The following DAB2IP variants were observed in gnomAD, a reference collection of about 807,000 sequenced individuals.
DAB2IP encodes DAB2 interacting protein.
In DAB2IP, 28 loss-of-function variants were observed where a neutral mutation model predicts 107.2. The ratio of observed to expected loss-of-function variants is 0.26; its 90% CI spans 0.19 to 0.36. The LOEUF (loss-of-function observed/expected upper bound fraction) is 0.36, where lower values mean the gene tolerates loss of function less well. Among genes scored for constraint, DAB2IP ranks in the 10% least tolerant of loss-of-function variants. The probability of loss-of-function intolerance (pLI) is 1.00; values close to 1 mark genes in which losing one functional copy is unlikely to be tolerated. For synonymous variants in DAB2IP, 755 were observed against 706.4 expected (o/e 1.07, Z -1.09); for missense variants, 1,400 against 1,644.7 (o/e 0.85, Z 2.57).
chr9:121,766,404 C>T (rs1180627873), intron 8 of DAB2IP, 90 bp from the exon 9 acceptor site: 1 of 1,267,142 alleles, frequency 7.9e-7, no homozygotes, highest in Non-Finnish European at 1.1e-6. Context: ...CGGGGTAGAG[C>T]CAAGGTTGGA....
At position 121,633,357 on chromosome 9, in the gene DAB2IP, G is replaced by C. The variant is rs1041374912; in HGVS notation, c.41-45321G>C. On this transcript the variant is annotated intron_variant, in intron 1 of 16. Transcript: ENST00000259371. The surrounding 1 kb of genome is among the most constrained non-coding windows in gnomAD (Gnocchi z 5.1). Reference sequence around the variant, plus strand: ...CCTTGTTCTCTCTTGTCAGAGCCAGGGGTTGTGTCTTTGCCCACTGACCCC... The same window carrying C: ...CCTTGTTCTCTCTTGTCAGAGCCAGCGGTTGTGTCTTTGCCCACTGACCCC... Among the ~76,000 whole-genome samples, 14 of 152,176 alleles carry C rather than the reference G, an allele frequency of 9.2e-5. No homozygotes were observed. The highest frequency in any genetic ancestry group is 3.4e-4 in the African/African-American group (14 of 41,524).
intron 1 of DAB2IP, among the ~76,000 whole-genome samples, chr9:121,596,408 A>G (rs1279139927): frequency 1.3e-5 from 2 of 152,164 alleles, no homozygotes; most frequent in Non-Finnish European, 2.9e-5. Context: ...CCAGCTACTC[A>G]GAAGGCTGTG....
intron 15 of DAB2IP, 35 bp downstream of exon 15, chr9:121,781,586 T>TTAAA (rs1564237350): frequency 1.9e-6 from 3 of 1,600,846 alleles, no homozygotes; most frequent in Non-Finnish European, 2.6e-6. Context: ...GCCACAAGAG[T>TTAAA]TAAAGGGCCT....
chr9:121,572,164 C>G (rs373930820), intron 1 of DAB2IP, among the ~76,000 whole-genome samples: 1 of 152,118 alleles, frequency 6.6e-6, no homozygotes, highest in Non-Finnish European at 1.5e-5. Context: ...ATGCTTTCTC[C>G]GGGTTCTTTT....
At chr9:121,570,697 A>G (rs542272799) in intron 1 of DAB2IP, among the ~76,000 whole-genome samples, 1 of 151,820 alleles carries the variant, frequency 6.6e-6, no homozygotes, top group South Asian at 2.1e-4. Context: ...ACAGGCATGC[A>G]CCACCATGCC....
At position 121,776,536 on chromosome 9, in the gene DAB2IP, G is replaced by A; in HGVS notation, c.3314+145G>A. The A allele has an allele frequency of 2.0e-6, 2 of 997,084 alleles. No homozygotes were observed. The highest frequency in any genetic ancestry group is 2.9e-6 in the Non-Finnish European group (2 of 699,382). 61.8% of individuals were successfully genotyped at this position (997,084 alleles called of 1,614,324 possible). On this transcript the variant is annotated intron_variant, in intron 14 of 15. Coordinates refer to ENST00000408936, the Ensembl canonical transcript of DAB2IP. This position sits in a 1 kb window ranked among gnomAD's most constrained non-coding sequence, Gnocchi z 5.4. ...GGAAGAGAGTGTCTGGGCAGTGGGA[G>A]CAGCGTGAGCACAGGCCTGGAGGCA...
intron 1 of DAB2IP, among the ~76,000 whole-genome samples, chr9:121,619,961 G>A (rs1831406663): frequency 6.6e-6 from 1 of 152,204 alleles, no homozygotes; most frequent in Non-Finnish European, 1.5e-5. Context: ...ATACAACATT[G>A]GGTTGGTGGT....
intron 3 of DAB2IP, among the ~76,000 whole-genome samples, chr9:121,752,166 G>A (rs1009102862): frequency 3.3e-5 from 5 of 152,188 alleles, no homozygotes; most frequent in African/African-American, 9.7e-5. Flanking sequence ...GGCATTTCCC[G>A]GAGACTCTGG....
chr9:121,761,557 AAGCCTCAGC>A (rs949524522), intron 6 of DAB2IP, among the ~76,000 whole-genome samples: 2 of 152,138 alleles, frequency 1.3e-5, no homozygotes, highest in Non-Finnish European at 2.9e-5. Context: ...CCATGGCTGG[AAGCCTCAGC>A]AGCCTCTGCA....
At chr9:121,773,055 C>G in exon 12 of DAB2IP, 1 of 1,612,566 alleles carries the variant, frequency 6.2e-7, no homozygotes, top group Non-Finnish European at 8.5e-7. Context: ...GCCGCTGTCA[C>G]CCCGTGGCCT....
chr9:121,586,768 C>T (rs1286527231), intron 1 of DAB2IP, among the ~76,000 whole-genome samples: 1 of 151,534 alleles, frequency 6.6e-6, no homozygotes. Flanking sequence ...TGTAGTGAGC[C>T]ATGATTGTAC....
In DAB2IP at chr9:121,602,598, T is replaced by C. The variant is rs989476545; in HGVS notation, c.40+35370T>C. Among the ~76,000 whole-genome samples, 3 of 152,124 alleles carry C rather than the reference T, an allele frequency of 2.0e-5. No homozygotes were observed. In the East Asian group the frequency reaches 5.8e-4, roughly 29 times the overall value. ...TTTTGTTTTGTTTTGTTTTTTGAGA[T>C]GGAGTCTCCCTCTGTCACCCAGGCT... On this transcript the variant is annotated intron_variant, in intron 1 of 16. Transcript: ENST00000259371.
At position 121,686,715 on chromosome 9, in the gene DAB2IP, C is replaced by T. The variant is rs1828898516; in HGVS notation, c.228+7934C>T. Among the ~76,000 whole-genome samples, 10 of 152,304 alleles carry T rather than the reference C, an allele frequency of 6.6e-5. No individual in the cohort carries two copies. In the South Asian group the frequency reaches 2.1e-3, roughly 32 times the overall value. ...CTCTCTTTCCCTGTCTGTAAATGGGCAGGAACCCCTCCCCACAGAGTGGCT... is the reference window on the plus strand; with the variant it reads ...CTCTCTTTCCCTGTCTGTAAATGGGTAGGAACCCCTCCCCACAGAGTGGCT... On this transcript the variant is annotated intron_variant, in intron 2 of 15. Transcript: ENST00000408936.
Position 121,782,247 on chromosome 9 carries a change from C to T in DAB2IP, c.3403-84C>T. 6.5e-7 allele frequency: 1 copy of T among 1,534,596 alleles called. No homozygotes were observed. Among genetic ancestry groups the T allele is most frequent in the Non-Finnish European group, 8.8e-7 (1 of 1,136,466 alleles). On this transcript the variant is annotated intron_variant, in intron 15 of 15. Coordinates refer to ENST00000408936, the Ensembl canonical transcript of DAB2IP. The surrounding 1 kb of genome is among the most constrained non-coding windows in gnomAD (Gnocchi z 6.1). ...CCTGCCACCCTCATCTCCAGGCCAC[C>T]CCCTTCCCCGATGCTTGTCGTAGGT...
intron 1 of DAB2IP, among the ~76,000 whole-genome samples, chr9:121,629,273 G>A (rs1334029080): frequency 3.3e-5 from 5 of 152,212 alleles, no homozygotes. Flanking sequence ...ACCCAAGTTG[G>A]AAGGCGCCCT....
Position 121,740,506 on chromosome 9 carries a change from A to T in DAB2IP, c.363-16507A>T, listed in dbSNP as rs1464738998. ...GCTAGACTTCCTTTACACCAAGGGT[A>T]TTTCTCTGGAAGGCTCCTTTATGTG... On this transcript the variant is annotated intron_variant, in intron 3 of 15. Transcript: ENST00000408936. 2.6e-5 allele frequency among the ~76,000 whole-genome samples: 4 copies of T among 152,228 alleles called. No homozygotes were observed. The East Asian group carries it at 5.8e-4, about 22-fold the overall frequency.
rs1831989557 is a variant in DAB2IP at position 121,634,034 on chromosome 9, C to T, written c.41-44644C>T. On this transcript the variant is annotated intron_variant, in intron 1 of 16. Coordinates refer to the DAB2IP transcript ENST00000259371. The surrounding 1 kb of genome is among the most constrained non-coding windows in gnomAD (Gnocchi z 4.7). ...CTGCCTTGGGCCCTTGTTCGAGACT[C>T]TCTGTGGAAGCCTATGTGTCCCACC... Among the ~76,000 whole-genome samples, 1 of 152,208 alleles carries T rather than the reference C, an allele frequency of 6.6e-6. No individual in the cohort carries two copies. The highest frequency in any genetic ancestry group is 1.5e-5 in the Non-Finnish European group (1 of 68,038).
rs759065055 is a variant in DAB2IP at position 121,633,260 on chromosome 9, C to T, written c.41-45418C>T. ...TTCTAAATTGGGTCAGGGAAGCCTT[C>T]GAGGCCCAGAGAGAGGACATTCCCG... On this transcript the variant is annotated intron_variant, in intron 1 of 16. Coordinates refer to the DAB2IP transcript ENST00000259371. This position sits in a 1 kb window ranked among gnomAD's most constrained non-coding sequence, Gnocchi z 5.1. Among the ~76,000 whole-genome samples, 8 of 152,204 alleles carry T rather than the reference C, an allele frequency of 5.3e-5. No homozygotes were observed. Among genetic ancestry groups the T allele is most frequent in the Middle Eastern group, 3.4e-3 (1 of 294 alleles).
At chr9:121,677,292 G>A (rs1285361029) in intron 1 of DAB2IP, among the ~76,000 whole-genome samples, 1 of 152,216 alleles carries the variant, frequency 6.6e-6, no homozygotes, top group Non-Finnish European at 1.5e-5. Flanking sequence ...GCCAAGGTGG[G>A]AGGATCGCTT....
Sources: allele counts gnomAD v4.1 joint callset (sites outside exome capture counted in the v4.1 genomes callset), GRCh38; gene constraint gnomAD v4.1.1; non-coding constraint Gnocchi (gnomAD v3.1); transcripts MANE v1.5; gene names NCBI Gene and HGNC (gene_info 2026-07-23, HGNC 2026-07-21).